AFG2A: variants seen among roughly 807,000 people sequenced by gnomAD.
AFG2A encodes ATPase family gene 2 protein homolog A.
At chr4:123,199,220 GCATAGA>G in the AFG2A span, among the ~76,000 whole-genome samples, 16 of 151,876 alleles carry the variant, frequency 1.1e-4, no homozygotes, top group African/African-American at 3.6e-4. Flanking sequence ...ATAGTCATAG[GCATAGA>G]CATAGAGCCT....
chr4:123,183,762 T>A, the AFG2A span, among the ~76,000 whole-genome samples: 3 of 152,108 alleles, frequency 2.0e-5, no homozygotes, highest in African/African-American at 4.8e-5. Flanking sequence ...TTCTTGTTTG[T>A]TAGTTTTGTT....
chr4:122,977,306 C>T, the AFG2A span, among the ~76,000 whole-genome samples: 35 of 152,302 alleles, frequency 2.3e-4, no homozygotes, highest in Admixed American at 1.4e-3. Flanking sequence ...GTGAGCCAGG[C>T]GCAGAGCAGT....
At chr4:123,193,605 C>T in the AFG2A span, among the ~76,000 whole-genome samples, 7 of 152,250 alleles carry the variant, frequency 4.6e-5, no homozygotes, top group Admixed American at 2.0e-4. Flanking sequence ...AAACCCACAG[C>T]AAAGCTGTTC....
the AFG2A span, among the ~76,000 whole-genome samples, chr4:123,053,502 C>G: frequency 3.3e-5 from 5 of 152,188 alleles, no homozygotes; most frequent in Non-Finnish European, 7.3e-5. Flanking sequence ...AGACTGGCCC[C>G]GACTTATTTG....
At chr4:123,107,374 A>T in the AFG2A span, among the ~76,000 whole-genome samples, 1 of 152,228 alleles carries the variant, frequency 6.6e-6, no homozygotes, top group Non-Finnish European at 1.5e-5. Flanking sequence ...AGCTCTCAGG[A>T]GACCCAACAT....
chr4:122,935,959 T>G, the AFG2A span: 3 of 1,326,178 alleles, frequency 2.3e-6, no homozygotes, highest in Non-Finnish European at 3.0e-6. Flanking sequence ...ATATTTTGCT[T>G]CTTAATAAAA....
chr4:122,978,142 C>T, the AFG2A span, among the ~76,000 whole-genome samples: 1 of 151,496 alleles, frequency 6.6e-6, no homozygotes, highest in African/African-American at 2.4e-5. Context: ...GGAGAGGAGA[C>T]CCAGAGTGAG....
chr4:123,251,626 A>G, the AFG2A span, among the ~76,000 whole-genome samples: 1 of 152,112 alleles, frequency 6.6e-6, no homozygotes, highest in Non-Finnish European at 1.5e-5. Context: ...CTTAAGTGCT[A>G]TATAAATATT....
the AFG2A span, among the ~76,000 whole-genome samples, chr4:123,074,095 A>ATTTTTTTTTTTTTTTTTTTTTTTT: frequency 7.8e-5 from 8 of 102,054 alleles, 1 homozygote; most frequent in African/African-American, 2.7e-4. Context: ...CTCAGATAGT[A>ATTTTTTTTTTTTTTTTTTTTTTTT]TTTTTTTTTT....
chr4:123,050,226 G>C, the AFG2A span, among the ~76,000 whole-genome samples: 18 of 152,016 alleles, frequency 1.2e-4, no homozygotes, highest in African/African-American at 4.1e-4. Context: ...GTTAATGTAT[G>C]GTCTATCCTG....
chr4:122,940,691 A>G, the AFG2A span, among the ~76,000 whole-genome samples: 1 of 152,004 alleles, frequency 6.6e-6, no homozygotes, highest in South Asian at 2.1e-4. Context: ...GGTGTTTTAG[A>G]CATGAAGTCC....
the AFG2A span, among the ~76,000 whole-genome samples, chr4:122,960,798 C>T: frequency 6.6e-6 from 1 of 152,140 alleles, no homozygotes; most frequent in Non-Finnish European, 1.5e-5. Flanking sequence ...TGTCCCTCCA[C>T]CCCCAACTAG....
chr4:123,053,907 G>A, the AFG2A span, among the ~76,000 whole-genome samples: 1 of 152,256 alleles, frequency 6.6e-6, no homozygotes, highest in South Asian at 2.1e-4. Flanking sequence ...AGCATGTCGG[G>A]GAGGATCAGA....
the AFG2A span, among the ~76,000 whole-genome samples, chr4:122,933,889 G>A: frequency 1.2e-4 from 19 of 152,320 alleles, no homozygotes; most frequent in East Asian, 2.9e-3. Context: ...TCTACTGAGT[G>A]TGGAGGATTT....
chr4:123,205,881 T>G, the AFG2A span, among the ~76,000 whole-genome samples: 11 of 152,188 alleles, frequency 7.2e-5, no homozygotes, highest in Non-Finnish European at 1.5e-4. Flanking sequence ...TTAAAATACC[T>G]TTTTAGTATT....
At chr4:123,285,933 G>A in the AFG2A span, among the ~76,000 whole-genome samples, 1 of 152,144 alleles carries the variant, frequency 6.6e-6, no homozygotes. Flanking sequence ...GGTGGAGGTG[G>A]TAGTGCTAAT....
the AFG2A span, among the ~76,000 whole-genome samples, chr4:122,998,390 C>T: frequency 6.6e-6 from 1 of 151,750 alleles, no homozygotes; most frequent in African/African-American, 2.4e-5. Flanking sequence ...ATACATGTGC[C>T]ATGCTGGTGT....
At chr4:123,012,179 T>C in the AFG2A span, among the ~76,000 whole-genome samples, 246 of 60,742 alleles carry the variant, frequency 4.0e-3, 2 homozygotes, top group African/African-American at 0.015. Flanking sequence ...GGTAGAGACA[T>C]GGAGAGAAGG....
the AFG2A span, among the ~76,000 whole-genome samples, chr4:123,054,105 C>T: frequency 0.056 from 8,518 of 152,238 alleles, 351 homozygotes; most frequent in Non-Finnish European, 0.084. Flanking sequence ...TTTCTCTGAA[C>T]CCTTTGGCAG....
Sources: allele counts gnomAD v4.1 joint callset (sites outside exome capture counted in the v4.1 genomes callset), GRCh38; gene constraint gnomAD v4.1.1; transcripts MANE v1.5; gene names NCBI Gene and HGNC (gene_info 2026-07-23, HGNC 2026-07-21).